ABCA10: variants seen among roughly 807,000 people sequenced by gnomAD.
ABCA10 encodes ATP binding cassette subfamily A member 10.
In ABCA10, 169 loss-of-function variants were observed where a neutral mutation model predicts 187.5. That is an observed-to-expected ratio of 0.90 (90% CI 0.80 to 1.02). The LOEUF (loss-of-function observed/expected upper bound fraction) is 1.02. ABCA10 is among the 50% of genes least tolerant of loss of function. The probability of loss-of-function intolerance (pLI) is 0.00; values close to 1 mark genes in which losing one functional copy is unlikely to be tolerated. For missense variants in ABCA10, 1,727 were observed against 1,812.4 expected, an observed-to-expected ratio of 0.95 and a Z score of 0.86; for synonymous variants, 574 against 601.8, an observed-to-expected ratio of 0.95 and a Z score of 0.68.
At chr17:69,206,005 C>A (rs2074588910) in intron 9 of ABCA10, among the ~76,000 whole-genome samples, 1 of 152,086 alleles carries the variant, frequency 6.6e-6, no homozygotes. Flanking sequence ...AATGTAATAT[C>A]CCTAGAATTA....
At chr17:69,209,963 G>A (rs1409567414) in intron 9 of ABCA10, among the ~76,000 whole-genome samples, 1 of 151,892 alleles carries the variant, frequency 6.6e-6, no homozygotes. Flanking sequence ...GTCCATCATT[G>A]ACAAAAACAT....
In ABCA10 at chr17:69,187,611, T is replaced by G. The variant is rs185841185; in HGVS notation, c.2330+70A>C. On this transcript the variant is annotated intron_variant, in intron 19 of 38. Coordinates refer to ENST00000690296, the MANE Select transcript of ABCA10 (RefSeq NM_001377321.1). ...TTAAATGAATGAATAAATTAATATA[T>G]TTACTTTCTTAATATTTGAATGTTT... 3.3e-5 allele frequency: 47 copies of G among 1,424,904 alleles called. No individual in the cohort carries two copies. In the African/African-American group the frequency reaches 6.0e-4, roughly 18 times the overall value. 88.3% of individuals were successfully genotyped at this position (1,424,904 alleles called of 1,614,324 possible).
intron 20 of ABCA10, among the ~76,000 whole-genome samples, chr17:69,184,871 G>GTGTGTA (rs375695391): frequency 7.8e-4 from 116 of 148,148 alleles, no homozygotes; most frequent in African/African-American, 2.8e-3. Context: ...GTGTGTGTGT[G>GTGTGTA]TATATATATA....
At chr17:69,202,389 T>G (rs1456241690) in intron 9 of ABCA10, among the ~76,000 whole-genome samples, 1 of 152,100 alleles carries the variant, frequency 6.6e-6, no homozygotes, top group African/African-American at 2.4e-5. Context: ...AAAAGAGAAC[T>G]TTTTTCCAAG....
intron 25 of ABCA10, 67 bp from the exon 26 acceptor site, chr17:69,165,150 G>C: frequency 7.7e-7 from 1 of 1,298,696 alleles, no homozygotes; most frequent in East Asian, 2.5e-5. Flanking sequence ...TATTTCCTGT[G>C]AATAACCTGT....
chr17:69,171,682 A>G lies in ABCA10; in HGVS notation c.3162+2599T>C, dbSNP rs965241302. On this transcript the variant is annotated intron_variant, in intron 25 of 38. Transcript: ENST00000690296. ...ATTGTAATGAAAGCTAAAGTCAGAGAAGGTTAGTCAATGAGAGAGCCTCTG... is the reference window on the plus strand; with the variant it reads ...ATTGTAATGAAAGCTAAAGTCAGAGGAGGTTAGTCAATGAGAGAGCCTCTG... Among the ~76,000 whole-genome samples the G allele has an allele frequency of 2.6e-5, 4 of 152,214 alleles. No individual in the cohort carries two copies. In the South Asian group the frequency reaches 6.2e-4, roughly 24 times the overall value.
chr17:69,186,718 C>T (rs1433126637), intron 19 of ABCA10, among the ~76,000 whole-genome samples: 1 of 152,178 alleles, frequency 6.6e-6, no homozygotes, highest in Non-Finnish European at 1.5e-5. Flanking sequence ...GTAAGACCAA[C>T]ACCAGCAAAC....
chr17:69,222,185 T>C (rs1024514289), intron 4 of ABCA10, among the ~76,000 whole-genome samples: 5 of 151,928 alleles, frequency 3.3e-5, no homozygotes, highest in Middle Eastern at 6.8e-3. Flanking sequence ...TGAAACCCCA[T>C]CTCTACTAAA....
intron 18 of ABCA10, among the ~76,000 whole-genome samples, chr17:69,189,402 T>G (rs2074443908): frequency 6.6e-6 from 1 of 152,184 alleles, no homozygotes; most frequent in South Asian, 2.1e-4. Flanking sequence ...TTTAAGCTCC[T>G]TATAGATTCT....
chr17:69,180,443 G>T (rs533163109), intron 22 of ABCA10, among the ~76,000 whole-genome samples: 1 of 151,974 alleles, frequency 6.6e-6, no homozygotes, highest in African/African-American at 2.4e-5. Flanking sequence ...AATTAGGAGG[G>T]TCTTTAAGCA....
chr17:69,174,999 G>A (rs909872000), intron 23 of ABCA10, among the ~76,000 whole-genome samples: 3 of 152,126 alleles, frequency 2.0e-5, no homozygotes, highest in East Asian at 1.9e-4. Context: ...CATTGATACA[G>A]ATTAATGAAG....
At chr17:69,167,405 G>A (rs1462919765) in intron 25 of ABCA10, among the ~76,000 whole-genome samples, 1 of 152,226 alleles carries the variant, frequency 6.6e-6, no homozygotes, top group African/African-American at 2.4e-5. Context: ...AGAAAGAGCT[G>A]TGAAAGCCAT....
chr17:69,177,993 TTA>T (rs72337114), intron 22 of ABCA10, among the ~76,000 whole-genome samples: 91 of 109,988 alleles, frequency 8.3e-4, no homozygotes, highest in South Asian at 1.4e-3. Flanking sequence ...TATATATATG[TTA>T]TATATATATA....
intron 10 of ABCA10, among the ~76,000 whole-genome samples, chr17:69,198,231 G>T (rs1160601121): frequency 6.6e-6 from 1 of 152,120 alleles, no homozygotes; most frequent in Non-Finnish European, 1.5e-5. Flanking sequence ...CCAGGCTCTT[G>T]TCATCTTTCA....
At chr17:69,177,081 C>A (rs1034866612) in intron 22 of ABCA10, among the ~76,000 whole-genome samples, 1 of 152,178 alleles carries the variant, frequency 6.6e-6, no homozygotes, top group Non-Finnish European at 1.5e-5. Flanking sequence ...CCATCTACTT[C>A]TCTGGGTTCC....
In ABCA10 at chr17:69,185,602, T is replaced by A; in HGVS notation, c.2372A>T (p.Glu791Val). 1 of 1,612,364 alleles carries A rather than the reference T, an allele frequency of 6.2e-7. No individual in the cohort carries two copies. Among genetic ancestry groups the A allele is most frequent in the Non-Finnish European group, 8.5e-7 (1 of 1,178,854 alleles). ...ACGAGTTACTTTATACATTATCTTC[T>A]CTAGAATGATGGGGATAAAAGCAAT... is the stretch of plus-strand genomic sequence containing the variant. ...LGIAFIPIIL[E>V]KIMYKVTRET... The change falls in exon 20 of 39, where the codon GAG (glutamate) becomes GTG (valine). Residue 791 changes from glutamate to valine, a missense_variant. Glu to Val is a moderately radical substitution (Grantham distance 121, BLOSUM62 -2). Transcript: ENST00000690296.
Position 69,168,242 on chromosome 17 carries a change from G to C in ABCA10, c.3163-3159C>G, listed in dbSNP as rs538971084. On this transcript the variant is annotated intron_variant, in intron 25 of 38. Coordinates refer to ENST00000690296, the MANE Select transcript of ABCA10 (RefSeq NM_001377321.1). ...ATAGGCTATGAGTAGTTAAGTTTTA[G>C]AGAGTCAAAAGTTACACATGAATTT... Among the ~76,000 whole-genome samples, 226 of 152,236 alleles carry C rather than the reference G, an allele frequency of 1.5e-3. 1 individual carries two copies. Among genetic ancestry groups the C allele is most frequent in the Middle Eastern group, 3.4e-3 (1 of 294 alleles).
At chr17:69,153,737 A>G in intron 32 of ABCA10, 94 bp downstream of exon 32, 6 of 1,484,224 alleles carry the variant, frequency 4.0e-6, no homozygotes, top group Non-Finnish European at 5.4e-6. Context: ...TGAAAATTTA[A>G]AGACATTGTT....
In ABCA10 at chr17:69,184,751, A is replaced by G. The variant is rs79639927; in HGVS notation, c.2497+726T>C. Among the ~76,000 whole-genome samples, 487 of 152,136 alleles carry G rather than the reference A, an allele frequency of 3.2e-3. 3 individuals are homozygous for G. The highest frequency in any genetic ancestry group is 0.011 in the African/African-American group (468 of 41,488). ...TCATATGAAAAAGATACTTGCACACACATTTATAGCAGCACAGTTCACAAT... is the reference window on the plus strand; with the variant it reads ...TCATATGAAAAAGATACTTGCACACGCATTTATAGCAGCACAGTTCACAAT... On this transcript the variant is annotated intron_variant, in intron 20 of 38. Coordinates refer to ENST00000690296, the MANE Select transcript of ABCA10 (RefSeq NM_001377321.1).
Sources: gnomAD v4.1 joint callset for allele counts (sites outside exome capture counted in the v4.1 genomes callset) on GRCh38, gnomAD v4.1.1 for gene constraint, MANE v1.5 for transcripts, NCBI Gene and HGNC (gene_info 2026-07-23, HGNC 2026-07-21) for gene names.